SH3GL2: variants seen among roughly 807,000 people sequenced by gnomAD.
SH3GL2 encodes endophilin-A1.
Under a neutral mutation model 46.0 loss-of-function variants are expected in SH3GL2, and 24 were observed. The observed-to-expected ratio is 0.52, with a 90% CI of 0.38 to 0.73. The LOEUF is 0.73. SH3GL2 is among the 30% of genes least tolerant of loss of function. SH3GL2 has a pLI of 0.00. For synonymous variants in SH3GL2, 196 were observed against 147.1 expected, an observed-to-expected ratio of 1.33 and a Z score of -2.40; for missense variants, 413 against 424.2, an observed-to-expected ratio of 0.97 and a Z score of 0.23.
At chr9:17,628,624 C>CT (rs5896752) in intron 1 of SH3GL2, among the ~76,000 whole-genome samples, 2,188 of 151,790 alleles carry the variant, frequency 0.014, 61 homozygotes, top group African/African-American at 0.048. Flanking sequence ...GGCTTGGAGG[C>CT]TTTTTTTTCT....
chr9:17,732,558 G>T (rs1469482797), intron 1 of SH3GL2, among the ~76,000 whole-genome samples: 1 of 152,076 alleles, frequency 6.6e-6, no homozygotes, highest in Non-Finnish European at 1.5e-5. Context: ...TATAAACAAC[G>T]ATAGTTTAAA....
chr9:17,692,912 C>T (rs1219352978), intron 1 of SH3GL2, among the ~76,000 whole-genome samples: 1 of 151,944 alleles, frequency 6.6e-6, no homozygotes, highest in Non-Finnish European at 1.5e-5. Flanking sequence ...AGTGGAAACC[C>T]CTGATAAACC....
chr9:17,684,001 C>T (rs188456383), intron 1 of SH3GL2, among the ~76,000 whole-genome samples: 1 of 152,188 alleles, frequency 6.6e-6, no homozygotes, highest in Admixed American at 6.6e-5. Flanking sequence ...ATACCTCAGT[C>T]TCTATAGTTC....
intron 1 of SH3GL2, among the ~76,000 whole-genome samples, chr9:17,691,884 C>G (rs999853818): frequency 2.6e-5 from 4 of 152,048 alleles, no homozygotes; most frequent in African/African-American, 7.2e-5. Context: ...CATAAACTGC[C>G]TGATGTTCTT....
chr9:17,790,672 G>A lies in SH3GL2; in HGVS notation c.625-559G>A, dbSNP rs1824101782. 3.3e-5 allele frequency among the ~76,000 whole-genome samples: 5 copies of A among 152,132 alleles called. No homozygotes were observed. The South Asian group carries it at 8.3e-4, about 25-fold the overall frequency. On this transcript the variant is annotated intron_variant, in intron 6 of 8. Coordinates refer to ENST00000380607, the MANE Select transcript of SH3GL2 (RefSeq NM_003026.5). Reference sequence around the variant, plus strand: ...CATAATGTGAAACATAAAATCAAGAGAAATCAAGCTTAGAATATTAGAGCA... The same window carrying A: ...CATAATGTGAAACATAAAATCAAGAAAAATCAAGCTTAGAATATTAGAGCA...
At chr9:17,665,211 T>C (rs1461983051) in intron 1 of SH3GL2, among the ~76,000 whole-genome samples, 2 of 152,144 alleles carry the variant, frequency 1.3e-5, no homozygotes, top group African/African-American at 4.8e-5. Flanking sequence ...TATATAACCA[T>C]AGTACAGTGA....
intron 3 of SH3GL2, among the ~76,000 whole-genome samples, chr9:17,774,086 C>T (rs567150206): frequency 6.6e-6 from 1 of 151,912 alleles, no homozygotes; most frequent in Non-Finnish European, 1.5e-5. Context: ...CTTTTAATTT[C>T]CTTTTCAGAT....
At chr9:17,618,163 A>G (rs986102531) in intron 1 of SH3GL2, among the ~76,000 whole-genome samples, 2 of 152,176 alleles carry the variant, frequency 1.3e-5, no homozygotes, top group Admixed American at 6.5e-5. Flanking sequence ...ATGTTTGGCA[A>G]TGTCTGGAGA....
chr9:17,739,478 A>T (rs187832098), intron 1 of SH3GL2, among the ~76,000 whole-genome samples: 2 of 152,214 alleles, frequency 1.3e-5, no homozygotes, highest in Non-Finnish European at 2.9e-5. Flanking sequence ...GTGGACTATG[A>T]AAATGTATAA....
chr9:17,744,435 G>A (rs1322529121), intron 1 of SH3GL2, among the ~76,000 whole-genome samples: 4 of 151,362 alleles, frequency 2.6e-5, no homozygotes, highest in East Asian at 3.9e-4. Context: ...GCACGATCAC[G>A]GCTCACTGTG....
intron 1 of SH3GL2, among the ~76,000 whole-genome samples, chr9:17,671,553 G>A (rs368916251): frequency 2.0e-5 from 3 of 151,962 alleles, no homozygotes; most frequent in African/African-American, 7.3e-5. Context: ...TCCATGGTAC[G>A]ATTATCACTC....
At chr9:17,767,671 C>G (rs1823353123) in intron 3 of SH3GL2, among the ~76,000 whole-genome samples, 1 of 152,172 alleles carries the variant, frequency 6.6e-6, no homozygotes, top group Non-Finnish European at 1.5e-5. Flanking sequence ...TATATCCATC[C>G]TTCACTTAAA....
At chr9:17,793,292 A>C in intron 7 of SH3GL2, 75 bp from the exon 8 acceptor site, 1 of 1,354,952 alleles carries the variant, frequency 7.4e-7, no homozygotes, top group Non-Finnish European at 1.0e-6. Context: ...GCATTTCCTG[A>C]ATCTTTATAT....
chr9:17,635,234 A>C (rs1056652109), intron 1 of SH3GL2, among the ~76,000 whole-genome samples: 1 of 152,134 alleles, frequency 6.6e-6, no homozygotes, highest in African/African-American at 2.4e-5. Flanking sequence ...AAGAACATAT[A>C]GTATATGGTT....
intron 1 of SH3GL2, among the ~76,000 whole-genome samples, chr9:17,622,976 GTTTCCTTTCGTTTCCTTTCCTTTCC>G (rs1819179592): frequency 7.4e-4 from 58 of 78,742 alleles, no homozygotes; most frequent in African/African-American, 1.4e-3. Flanking sequence ...TTTTCCTTTC[GTTTCCTTTCGTTTCCTTTCCTTTCC>G]TTTCCTTTCC....
chr9:17,678,234 A>G (rs1170590598), intron 1 of SH3GL2, among the ~76,000 whole-genome samples: 1 of 151,972 alleles, frequency 6.6e-6, no homozygotes, highest in Non-Finnish European at 1.5e-5. Context: ...TGGTTGAACT[A>G]GTTTACAGTC....
chr9:17,677,312 A>G (rs1820637043), intron 1 of SH3GL2, among the ~76,000 whole-genome samples: 1 of 152,106 alleles, frequency 6.6e-6, no homozygotes. Flanking sequence ...ACTTTTATAC[A>G]TACTACATAG....
intron 1 of SH3GL2, among the ~76,000 whole-genome samples, chr9:17,742,329 A>G (rs761122282): frequency 2.6e-5 from 4 of 152,142 alleles, no homozygotes; most frequent in Non-Finnish European, 5.9e-5. Flanking sequence ...AAAGCAGGAC[A>G]ACATCCTTTG....
intron 2 of SH3GL2, among the ~76,000 whole-genome samples, chr9:17,749,125 G>T (rs1166194930): frequency 6.6e-6 from 1 of 152,150 alleles, no homozygotes; most frequent in African/African-American, 2.4e-5. Context: ...CTGAGGCCTG[G>T]CACCTACTTC....
Sources: allele counts gnomAD v4.1 joint callset (sites outside exome capture counted in the v4.1 genomes callset), GRCh38; gene constraint gnomAD v4.1.1; transcripts MANE v1.5; gene names NCBI Gene and HGNC (gene_info 2026-07-23, HGNC 2026-07-21).